The following RPS6KA4 variants were observed in gnomAD, a reference collection of about 807,000 sequenced individuals.
RPS6KA4 encodes the protein ribosomal protein S6 kinase A4, also known as ribosomal protein S6 kinase alpha-4.
RPS6KA4 carries 38 observed loss-of-function variants against 89.6 expected under a neutral mutation model. The observed-to-expected ratio is 0.42, with a 90% CI of 0.33 to 0.56. The LOEUF (loss-of-function observed/expected upper bound fraction) is 0.56. Ranked by LOEUF, RPS6KA4 falls within the 20% of genes least tolerant of loss-of-function variation. The pLI is 0.07. For missense variants in RPS6KA4, 873 were observed against 1,098.8 expected (o/e 0.79, Z 2.90); for synonymous variants, 495 against 492.8 (o/e 1.00, Z -0.06).
intron 2 of RPS6KA4, 87 bp downstream of exon 2, chr11:64,359,536 C>T: frequency 7.2e-7 from 1 of 1,389,672 alleles, no homozygotes; most frequent in Non-Finnish European, 1.0e-6. Flanking sequence ...GGCCAGGCCA[C>T]TGAGCAGGCC....
At chr11:64,362,812 A>T (rs2036790177) in intron 8 of RPS6KA4, among the ~76,000 whole-genome samples, 1 of 152,200 alleles carries the variant, frequency 6.6e-6, no homozygotes, top group South Asian at 2.1e-4. Context: ...CTGGGATTAC[A>T]GGCACAGGCC....
chr11:64,370,083 A>G lies in RPS6KA4; in HGVS notation c.1798-142A>G. On this transcript the variant is annotated intron_variant, in intron 14 of 16. Coordinates refer to ENST00000334205, the MANE Select transcript of RPS6KA4 (RefSeq NM_003942.3). This position sits in a 1 kb window ranked among gnomAD's most constrained non-coding sequence, Gnocchi z 4.1. ...GGTGCTAGAGTCGGAGCATCCGGGTATTGGGGGTTAGAAGTCAGGGTTCAC... is the reference window on the plus strand; with the variant it reads ...GGTGCTAGAGTCGGAGCATCCGGGTGTTGGGGGTTAGAAGTCAGGGTTCAC... 9.3e-7 allele frequency: 1 copy of G among 1,071,060 alleles called. No homozygotes were observed. Among genetic ancestry groups the G allele is most frequent in the Non-Finnish European group, 1.3e-6 (1 of 766,320 alleles). The allele number at this position is 1,071,060 out of a possible 1,614,324, so 66.3% of individuals were successfully genotyped here.
Position 64,359,275 on chromosome 11 carries a change from C to A in RPS6KA4, c.40C>A (p.Leu14Met), listed in dbSNP as rs745365364. Reference sequence around the variant, plus strand: ...CGACGATGAGAGCTGCGCCGTGGAGCTGCGGATCACAGAAGGTGGGTGTGG... The same window carrying A: ...CGACGATGAGAGCTGCGCCGTGGAGATGCGGATCACAGAAGGTGGGTGTGG... ...EDDDESCAVE[L>M]RITEANLTGH... Residue 14 changes from leucine (L) to methionine (M), a missense_variant, in exon 1 of 17, where the codon CTG becomes ATG. By Grantham distance (15) the Leu-to-Met change is conservative. Around this residue, in one of 4 missense-constraint regions of RPS6KA4, gnomAD observed 49 missense variants for 51.9 expected, o/e 0.94. Coordinates refer to ENST00000334205, the MANE Select transcript of RPS6KA4 (RefSeq NM_003942.3). 7 of 1,559,788 alleles carry A rather than the reference C, an allele frequency of 4.5e-6. No individual in the cohort carries two copies. The Admixed American group carries it at 9.3e-5, about 21-fold the overall frequency.
intron 2 of RPS6KA4, chr11:64,359,784 C>T: frequency 1.9e-6 from 1 of 532,438 alleles, no homozygotes; most frequent in Non-Finnish European, 3.3e-6. Context: ...TTTGCAAATG[C>T]CCCAGCGCTG....
chr11:64,368,023 C>T, intron 9 of RPS6KA4, 109 bp from the exon 10 acceptor site: 4 of 1,181,314 alleles, frequency 3.4e-6, no homozygotes, highest in Non-Finnish European at 4.9e-6. Flanking sequence ...ACACCCCCCA[C>T]TGCCCCCTTG....
intron 8 of RPS6KA4, among the ~76,000 whole-genome samples, chr11:64,363,586 G>C (rs1295509603): frequency 3.3e-5 from 5 of 151,966 alleles, no homozygotes; most frequent in African/African-American, 1.2e-4. Context: ...CTGCTTCCCT[G>C]GTTCAAGTGA....
At chr11:64,365,048 C>T (rs1477837076) in intron 8 of RPS6KA4, among the ~76,000 whole-genome samples, 7 of 152,080 alleles carry the variant, frequency 4.6e-5, no homozygotes, top group African/African-American at 1.4e-4. Flanking sequence ...CCACCACGCC[C>T]GACCTTTTCA....
At position 64,369,722 on chromosome 11, in the gene RPS6KA4, G is replaced by T. The variant is rs758230491; in HGVS notation, c.1626G>T (p.Thr542=). 4.3e-6 allele frequency: 7 copies of T among 1,610,266 alleles called. No homozygotes were observed. Among genetic ancestry groups the T allele is most frequent in the African/African-American group, 1.3e-5 (1 of 74,868 alleles). ...KPENILYADD[T]PGAPVKIIDF... ...AGAACATCCTGTACGCCGACGACAC[G>T]CCCGGGGCCCCGGTGAAAATCATCG... The change falls in exon 14 of 17, where the codon ACG becomes ACT. Residue 542 remains threonine (T), a synonymous_variant. Coordinates refer to ENST00000334205, the MANE Select transcript of RPS6KA4 (RefSeq NM_003942.3).
In RPS6KA4 at chr11:64,368,695, G is replaced by T. The variant is rs571314600; in HGVS notation, c.1335-9G>T. ...CGGCGACCGTAACTCCTTCTGCTCC[G>T]TCCCCCAGGCTGGAGGCGAACACGC... On this transcript the variant is annotated splice_polypyrimidine_tract_variant and intron_variant, in intron 11 of 16. Transcript: ENST00000334205. The T allele has an allele frequency of 6.3e-6, 10 of 1,576,328 alleles. No homozygotes were observed. In the East Asian group the frequency reaches 2.3e-4, roughly 36 times the overall value.
chr11:64,359,627 C>T (rs1271015437), intron 2 of RPS6KA4, 178 bp downstream of exon 2: 2 of 628,702 alleles, frequency 3.2e-6, no homozygotes, highest in Non-Finnish European at 5.6e-6. Flanking sequence ...CCAGGGCACT[C>T]CACATTGACA....
In RPS6KA4 at chr11:64,359,253, C is replaced by T; in HGVS notation, c.18C>T (p.Asp6=). The part of the protein sequence containing the change: MGDED[D]DESCAVELRI... ...CGCCCGCCATGGGGGACGAGGACGA[C>T]GATGAGAGCTGCGCCGTGGAGCTGC... The change falls in exon 1 of 17, where the codon GAC becomes GAT. Residue 6 remains aspartate (D), a synonymous_variant. Coordinates refer to ENST00000334205, the MANE Select transcript of RPS6KA4 (RefSeq NM_003942.3). The T allele has an allele frequency of 6.9e-7, 1 of 1,446,624 alleles. No individual in the cohort carries two copies. The highest frequency in any genetic ancestry group is 9.2e-7 in the Non-Finnish European group (1 of 1,090,216). The allele number at this position is 1,446,624 out of a possible 1,614,324, so 89.6% of individuals were successfully genotyped here.
Position 64,370,530 on chromosome 11 carries a change from GCTCCTCCCCACA to G in RPS6KA4, c.1958-30_1958-19del, listed in dbSNP as rs1001917583. ...CTTTGGGGCTCAGCCTTTACGCCAG[GCTCCTCCCCACA>G]CTTCCTTGCCCCGCCTCCAGGGCTC... On this transcript the variant is annotated intron_variant, in intron 15 of 16. Transcript: ENST00000334205. This position sits in a 1 kb window ranked among gnomAD's most constrained non-coding sequence, Gnocchi z 4.1. 14 of 1,588,620 alleles carry G rather than the reference GCTCCTCCCCACA, an allele frequency of 8.8e-6. No homozygotes were observed. Among genetic ancestry groups the G allele is most frequent in the Non-Finnish European group, 1.2e-5 (14 of 1,170,758 alleles).
chr11:64,361,523 A>T lies in RPS6KA4; in HGVS notation c.625A>T (p.Ile209Phe), dbSNP rs779071799. ...GTIEYMAPEI[I>F]RSKTGHGKAV... ...CATCGAGTACATGGCCCCCGAAATC[A>T]TCCGTAGCAAGACGGGGCATGGCAA... Residue 209 changes from isoleucine to phenylalanine, a missense_variant, in exon 6 of 17, where the codon ATC becomes TTC. Around this residue, in one of 4 missense-constraint regions of RPS6KA4, gnomAD observed 542 missense variants for 736.4 expected, o/e 0.74. Transcript: ENST00000334205. The surrounding 1 kb of genome is among the most constrained non-coding windows in gnomAD (Gnocchi z 4.7). 11 of 1,614,054 alleles carry T rather than the reference A, an allele frequency of 6.8e-6. No individual in the cohort carries two copies. In the Admixed American group the frequency reaches 1.7e-4, roughly 24 times the overall value.
rs765768833 is a variant in RPS6KA4 at position 64,362,035 on chromosome 11, T to C, written c.906+33T>C. ...TGACTCAGGGCCCCATACCTCCTGG[T>C]GCATACCCAGGTGGGGCTGCTGTTC... On this transcript the variant is annotated intron_variant, in intron 8 of 16. Transcript: ENST00000334205. 1.6e-5 allele frequency: 25 copies of C among 1,581,952 alleles called. No homozygotes were observed. The Admixed American group carries it at 1.6e-4, about 10-fold the overall frequency.
At position 64,371,516 on chromosome 11, in the gene RPS6KA4, T is replaced by C. The variant is rs2037077170; in HGVS notation, c.*36T>C. The C allele has an allele frequency of 2.4e-6, 2 of 835,112 alleles. No homozygotes were observed. The highest frequency in any genetic ancestry group is 3.7e-6 in the Non-Finnish European group (2 of 533,988). 51.7% of individuals were successfully genotyped at this position (835,112 alleles called of 1,614,324 possible). On this transcript the variant is annotated 3_prime_UTR_variant, in exon 17 of 17. Coordinates refer to ENST00000334205, the MANE Select transcript of RPS6KA4 (RefSeq NM_003942.3). The stretch of plus-strand genomic sequence containing the variant: ...TGTGACCCCCTTCCCTCATAGGGGC[T>C]GTGACCTGGGAGCCCGGCTCACTCC...
rs777703374 is a variant in RPS6KA4, at chr11:64,370,678, C to G, written c.2073C>G (p.Leu691=). The change falls in exon 16 of 17, where the codon CTC becomes CTG. Residue 691 remains leucine (L), a synonymous_variant. Transcript: ENST00000334205. This position sits in a 1 kb window ranked among gnomAD's most constrained non-coding sequence, Gnocchi z 4.1. ...CCCCGCTCCGGACGCCCGACGTGCT[C>G]GAGTCCTCTGGGCCCGCAGTGCGCT... ...SSPPLRTPDV[L]ESSGPAVRSG... is the part of the protein sequence containing the mutation. 4 of 1,572,376 alleles carry G rather than the reference C, an allele frequency of 2.5e-6. No individual in the cohort carries two copies. Among genetic ancestry groups the G allele is most frequent in the Admixed American group, 1.7e-5 (1 of 57,264 alleles).
rs775159071 is a variant in RPS6KA4, at chr11:64,361,199, C to T, written c.528C>T (p.Val176=). ...NVLLDSEGHI[V]LTDFGLSKEF... is the part of the protein sequence containing the mutation. ...TGCTGGACTCCGAGGGCCACATTGT[C>T]CTCACGGACTTCGGGCTGAGCAAGG... is the stretch of plus-strand genomic sequence containing the variant. The change falls in exon 5 of 17, where the codon GTC becomes GTT. Residue 176 remains valine (V), a synonymous_variant. Coordinates refer to ENST00000334205, the MANE Select transcript of RPS6KA4 (RefSeq NM_003942.3). This position sits in a 1 kb window ranked among gnomAD's most constrained non-coding sequence, Gnocchi z 4.7. 11 of 1,613,368 alleles carry T rather than the reference C, an allele frequency of 6.8e-6. No individual in the cohort carries two copies. In the African/African-American group the frequency reaches 9.3e-5, roughly 14 times the overall value.
chr11:64,362,438 A>T (rs1206715727), intron 8 of RPS6KA4, among the ~76,000 whole-genome samples: 1 of 152,218 alleles, frequency 6.6e-6, no homozygotes, highest in Non-Finnish European at 1.5e-5. Context: ...GTCCCTGTAC[A>T]GTCTGTGTGC....
Position 64,361,838 on chromosome 11 carries a change from C to A in RPS6KA4, c.756-14C>A. The A allele has an allele frequency of 6.3e-7, 1 of 1,594,932 alleles. No individual in the cohort carries two copies. ...GGGGGCTTGCTGCCCCTGACACCCC[C>A]CCAATCCTCCCAGACGGATCCTGAA... On this transcript the variant is annotated splice_polypyrimidine_tract_variant and intron_variant, in intron 7 of 16. Transcript: ENST00000334205. The surrounding 1 kb of genome is among the most constrained non-coding windows in gnomAD (Gnocchi z 4.7).
Sources: gnomAD v4.1 joint callset for allele counts (sites outside exome capture counted in the v4.1 genomes callset) on GRCh38, gnomAD v4.1.1 for gene constraint, gnomAD v4.1.1 regional missense constraint, Gnocchi (gnomAD v3.1) non-coding constraint, MANE v1.5 for transcripts, NCBI Gene and HGNC (gene_info 2026-07-23, HGNC 2026-07-21) for gene names.